SDK1: variants seen among roughly 807,000 people sequenced by gnomAD.
SDK1 encodes sidekick cell adhesion molecule 1.
SDK1 carries 157 observed loss-of-function variants against 245.5 expected under a neutral mutation model. The observed-to-expected ratio is 0.64, with a 90% confidence interval of 0.56 to 0.73. The LOEUF is 0.73. Among genes scored for constraint, SDK1 ranks in the 30% least tolerant of loss-of-function variants. The pLI is 0.00. For missense variants in SDK1, 3,583 were observed against 3,002.3 expected (o/e 1.19, Z -4.52); for synonymous variants, 1,647 against 1,278.5 (o/e 1.29, Z -6.15).
At chr7:4,121,125 C>G (rs1458372242) in intron 25 of SDK1, among the ~76,000 whole-genome samples, 1 of 151,882 alleles carries the variant, frequency 6.6e-6, no homozygotes, top group Non-Finnish European at 1.5e-5. Flanking sequence ...CTTGTATCAT[C>G]TTTTACACAA....
chr7:3,955,080 C>T (rs148889948), intron 7 of SDK1, among the ~76,000 whole-genome samples: 45 of 152,290 alleles, frequency 3.0e-4, no homozygotes, highest in African/African-American at 9.6e-4. Context: ...TCATCACACA[C>T]GAAGCCAGCT....
rs113546008 is a variant in SDK1 at position 3,367,020 on chromosome 7, G to A, written c.298+65136G>A. ...CTCCCAAAGTGCTGGGATTACAGGC[G>A]TGAGCTACCGCGCCCGGCCTATTGT... is the stretch of plus-strand genomic sequence containing the variant. On this transcript the variant is annotated intron_variant, in intron 1 of 44. Transcript: ENST00000404826. Among the ~76,000 whole-genome samples, 51 of 152,250 alleles carry A rather than the reference G, an allele frequency of 3.3e-4. 5 individuals carry two copies. Among genetic ancestry groups the A allele is most frequent in the African/African-American group, 8.9e-4 (37 of 41,556 alleles).
chr7:3,433,022 G>T (rs1054946030), intron 1 of SDK1, among the ~76,000 whole-genome samples: 1 of 152,102 alleles, frequency 6.6e-6, no homozygotes, highest in Non-Finnish European at 1.5e-5. Context: ...TCCAAGTTAC[G>T]CAGTTTTTCA....
chr7:3,350,128 A>T (rs1780619276), intron 1 of SDK1, among the ~76,000 whole-genome samples: 1 of 152,146 alleles, frequency 6.6e-6, no homozygotes, highest in African/African-American at 2.4e-5. Flanking sequence ...GCTTAGGGAG[A>T]GGTAAGCCAT....
chr7:3,323,314 G>A (rs955922666), intron 1 of SDK1, among the ~76,000 whole-genome samples: 1 of 152,222 alleles, frequency 6.6e-6, no homozygotes, highest in Non-Finnish European at 1.5e-5. Flanking sequence ...ACATGTTTGA[G>A]TGAATGAATA....
intron 17 of SDK1, among the ~76,000 whole-genome samples, chr7:4,044,103 G>A (rs896600153): frequency 2.6e-5 from 4 of 152,268 alleles, no homozygotes; most frequent in African/African-American, 4.8e-5. Flanking sequence ...ATGATTTTGC[G>A]GGTCAGGAGT....
chr7:3,779,804 C>A (rs1025017228), intron 4 of SDK1, among the ~76,000 whole-genome samples: 3 of 151,800 alleles, frequency 2.0e-5, no homozygotes, highest in Non-Finnish European at 4.4e-5. Context: ...CGGTGGCGGG[C>A]GCCTGTAGTC....
At chr7:3,918,199 T>C (rs1320690919) in intron 5 of SDK1, among the ~76,000 whole-genome samples, 1 of 152,110 alleles carries the variant, frequency 6.6e-6, no homozygotes, top group East Asian at 1.9e-4. Context: ...CGCGGTACCC[T>C]GGAGCAGGGG....
intron 1 of SDK1, among the ~76,000 whole-genome samples, chr7:3,370,202 A>C (rs2128563131): frequency 6.6e-6 from 1 of 152,286 alleles, no homozygotes; most frequent in African/African-American, 2.4e-5. Context: ...AGGTTTCATG[A>C]ATACATAGGT....
intron 1 of SDK1, among the ~76,000 whole-genome samples, chr7:3,335,256 C>T (rs941365669): frequency 2.0e-5 from 3 of 152,128 alleles, no homozygotes; most frequent in African/African-American, 7.2e-5. Flanking sequence ...CTTGCTGTGG[C>T]CTACAAGGTT....
Position 3,821,446 on chromosome 7 carries a change from A to G in SDK1, c.714-4A>G. On this transcript the variant is annotated splice_region_variant and splice_polypyrimidine_tract_variant and intron_variant, in intron 4 of 44. Coordinates refer to ENST00000404826, the MANE Select transcript of SDK1 (RefSeq NM_152744.4). Reference sequence around the variant, plus strand: ...TGACACTGTCCTCTTCTTTTCTGAAACAGAGCCATCACATTGGAGAATCAG... The same window carrying G: ...TGACACTGTCCTCTTCTTTTCTGAAGCAGAGCCATCACATTGGAGAATCAG... The G allele has an allele frequency of 2.5e-6, 4 of 1,612,160 alleles. No individual in the cohort carries two copies. Among genetic ancestry groups the G allele is most frequent in the South Asian group, 2.2e-5 (2 of 90,684 alleles).
At chr7:3,539,061 C>A (rs1006535879) in intron 1 of SDK1, among the ~76,000 whole-genome samples, 1 of 152,106 alleles carries the variant, frequency 6.6e-6, no homozygotes, top group African/African-American at 2.4e-5. Flanking sequence ...TGAATACTTT[C>A]TGCGATCATT....
intron 5 of SDK1, among the ~76,000 whole-genome samples, chr7:3,849,403 G>A (rs1562488710): frequency 6.6e-6 from 1 of 152,188 alleles, no homozygotes; most frequent in Non-Finnish European, 1.5e-5. Context: ...AGGACACAGA[G>A]TTTAGAATGG....
chr7:4,184,360 G>C (rs938769878), intron 35 of SDK1, among the ~76,000 whole-genome samples: 4 of 152,306 alleles, frequency 2.6e-5, no homozygotes, highest in South Asian at 4.1e-4. Flanking sequence ...CTCTGAGTCT[G>C]GCCTTGAGAC....
At chr7:3,535,824 T>TG (rs959911559) in intron 1 of SDK1, among the ~76,000 whole-genome samples, 21 of 152,280 alleles carry the variant, frequency 1.4e-4, no homozygotes, top group African/African-American at 4.1e-4. Flanking sequence ...CATAAGTTCT[T>TG]GCAGATATTC....
intron 4 of SDK1, among the ~76,000 whole-genome samples, chr7:3,819,974 C>T (rs574633725): frequency 6.6e-6 from 1 of 152,154 alleles, no homozygotes; most frequent in Non-Finnish European, 1.5e-5. Flanking sequence ...AGTGCTGTAA[C>T]TATTCCCTAT....
intron 1 of SDK1, among the ~76,000 whole-genome samples, chr7:3,586,462 C>T (rs969811007): frequency 7.3e-5 from 11 of 151,604 alleles, no homozygotes; most frequent in Non-Finnish European, 1.5e-4. Context: ...CTTTGGGAGG[C>T]CGAGGTGGGT....
At chr7:4,135,597 G>A (rs747775003) in intron 28 of SDK1, among the ~76,000 whole-genome samples, 8 of 152,216 alleles carry the variant, frequency 5.3e-5, no homozygotes, top group Non-Finnish European at 7.3e-5. Context: ...CCTGGGTAAC[G>A]TTTTGGACTC....
At chr7:3,704,028 A>G (rs902202447) in intron 4 of SDK1, among the ~76,000 whole-genome samples, 1 of 152,108 alleles carries the variant, frequency 6.6e-6, no homozygotes, top group Non-Finnish European at 1.5e-5. Context: ...CATTGCACCC[A>G]GTTTGTCGTT....
Sources: gnomAD v4.1 joint callset for allele counts (sites outside exome capture counted in the v4.1 genomes callset) on GRCh38, gnomAD v4.1.1 for gene constraint, MANE v1.5 for transcripts, NCBI Gene and HGNC (gene_info 2026-07-23, HGNC 2026-07-21) for gene names.